ASB16: variants seen among roughly 807,000 people sequenced by gnomAD.
ASB16 encodes the protein ankyrin repeat and SOCS box containing 16, also known as ankyrin repeat and SOCS box protein 16.
A neutral mutation model predicts 39.1 loss-of-function variants in ASB16; 44 were observed. The ratio of observed to expected loss-of-function variants is 1.13; its 90% CI spans 0.88 to 1.45. The LOEUF (loss-of-function observed/expected upper bound fraction) is 1.45. Ranked by LOEUF, ASB16 falls within the 40% of genes most tolerant of loss-of-function variation. The pLI is 0.00. For missense variants in ASB16, 698 were observed against 634.5 expected (o/e 1.10, Z -1.07); for synonymous variants, 305 against 286.7 (o/e 1.06, Z -0.64).
In ASB16 at chr17:44,178,219, C is replaced by T. The variant is rs976206205; in HGVS notation, c.1191C>T (p.Phe397=). 3 of 1,613,226 alleles carry T rather than the reference C, an allele frequency of 1.9e-6. No homozygotes were observed. Among genetic ancestry groups the T allele is most frequent in the Non-Finnish European group, 2.5e-6 (3 of 1,180,014 alleles). The change falls in exon 5 of 5, where the codon TTC becomes TTT. Residue 397 remains phenylalanine (F), a synonymous_variant. Transcript: ENST00000293414. ...TCCTGGCCTAGGAGCACGAAGCCTT[C>T]TACAGCTCGGCCCTGTGCATGGTGA... The part of the protein sequence containing the change: ...LPELWKEHEA[F]YSSALCMVNQ...
At chr17:44,178,144 G>T (rs901651506) in intron 4 of ASB16, 61 bp from the exon 5 acceptor site, 9 of 1,576,542 alleles carry the variant, frequency 5.7e-6, no homozygotes, top group Non-Finnish European at 7.8e-6. Flanking sequence ...GACCCCCACC[G>T]CTGGGTTGCC....
rs761822707 is a variant in ASB16, at chr17:44,176,874, G to T, written c.706G>T (p.Val236Leu). Residue 236 changes from valine (V) to leucine (L), a missense_variant, in exon 3 of 5, where the codon GTG becomes TTG. Transcript: ENST00000293414. ...VALYLEHGAD[V>L]GLRTSQGETA... Reference sequence around the variant, plus strand: ...TCTGTACCTGGAGCATGGCGCCGACGTGGGCCTGCGCACCAGCCAGGGCGA... The same window carrying T: ...TCTGTACCTGGAGCATGGCGCCGACTTGGGCCTGCGCACCAGCCAGGGCGA... The T allele has an allele frequency of 1.2e-6, 2 of 1,605,808 alleles. No homozygotes were observed. Among genetic ancestry groups the T allele is most frequent in the South Asian group, 1.1e-5 (1 of 90,774 alleles).
rs371177984 is a variant in ASB16 at position 44,172,283 on chromosome 17, T to G, written c.539T>G (p.Leu180Trp). 9 of 1,613,266 alleles carry G rather than the reference T, an allele frequency of 5.6e-6. No individual in the cohort carries two copies. The highest frequency in any genetic ancestry group is 7.6e-6 in the Non-Finnish European group (9 of 1,180,036). The change falls in exon 2 of 5, where the codon TTG (leucine) becomes TGG (tryptophan). Residue 180 changes from leucine to tryptophan, a missense_variant. Physicochemically the swap from Leu to Trp is moderately conservative, Grantham distance 61 (BLOSUM62 -2). Transcript: ENST00000293414. ...CTGACTGAGGAGGGCACGACTCCTTTGCACCTCTGCACGATCCCCGAGTCC... is the reference window on the plus strand; with the variant it reads ...CTGACTGAGGAGGGCACGACTCCTTGGCACCTCTGCACGATCCCCGAGTCC... ...NVLTEEGTTP[L>W]HLCTIPESLQ...
intron 3 of ASB16, 64 bp downstream of exon 3, chr17:44,177,294 C>T (rs900030734): frequency 1.0e-5 from 15 of 1,463,572 alleles, no homozygotes; most frequent in African/African-American, 1.4e-5. Flanking sequence ...GGAACTGCTC[C>T]GCTTCTGGGG....
chr17:44,177,164 C>A lies in ASB16; in HGVS notation c.996C>A (p.Pro332=), dbSNP rs764024780. The A allele has an allele frequency of 6.5e-7, 1 of 1,529,814 alleles. No homozygotes were observed. The highest frequency in any genetic ancestry group is 1.2e-5 in the South Asian group (1 of 81,970). The allele number at this position is 1,529,814 out of a possible 1,614,324, so 94.8% of individuals were successfully genotyped here. Residue 332 remains proline, a synonymous_variant, in exon 3 of 5, where the codon CCC becomes CCA. Transcript: ENST00000293414. Reference sequence around the variant, plus strand: ...CGCTGCAGGCCGTCCAGGACTCCCCCAACTGGGAGCCTGAAGTCCTTTTCG... The same window carrying A: ...CGCTGCAGGCCGTCCAGGACTCCCCAAACTGGGAGCCTGAAGTCCTTTTCG... ...DCALQAVQDS[P]NWEPEVLFAA...
At chr17:44,174,592 A>T (rs2054271123) in intron 2 of ASB16, among the ~76,000 whole-genome samples, 1 of 152,034 alleles carries the variant, frequency 6.6e-6, no homozygotes, top group Non-Finnish European at 1.5e-5. Context: ...GCAGGTAAGG[A>T]TTCAAGGGCT....
chr17:44,170,816 C>A lies in ASB16; in HGVS notation c.27C>A (p.Thr9=). 6.2e-7 allele frequency: 1 copy of A among 1,606,868 alleles called. No homozygotes were observed. The highest frequency in any genetic ancestry group is 8.5e-7 in the Non-Finnish European group (1 of 1,176,524). Residue 9 remains threonine (T), a synonymous_variant, in exon 1 of 5, where the codon ACC becomes ACA. Coordinates refer to ENST00000293414, the MANE Select transcript of ASB16 (RefSeq NM_080863.5). ...TGGCAAGAGAGACCTTCCCCTTCAC[C>A]TCCTCCATGCTGCGCTCTCTCCGCC... MARETFPF[T]SSMLRSLRLQ...
Position 44,176,953 on chromosome 17 carries a change from G to A in ASB16, c.785G>A (p.Arg262Gln), listed in dbSNP as rs1323048972. Residue 262 changes from arginine to glutamine, a missense_variant, in exon 3 of 5, where the codon CGA becomes CAA. Transcript: ENST00000293414. ...AGAEGPGSCR[R>Q]HQAAARRLLE... ...GCCGAGGGCCCAGGTAGCTGCAGGC[G>A]ACACCAGGCTGCGGCGCGCCGGCTC... is the stretch of plus-strand genomic sequence containing the variant. 1.3e-6 allele frequency: 2 copies of A among 1,502,520 alleles called. No homozygotes were observed. Among genetic ancestry groups the A allele is most frequent in the Admixed American group, 2.4e-5 (1 of 41,824 alleles). The allele number at this position is 1,502,520 out of a possible 1,614,324, so 93.1% of individuals were successfully genotyped here.
chr17:44,176,259 G>C (rs2054287975), intron 2 of ASB16: 1 of 166,406 alleles, frequency 6.0e-6, no homozygotes, highest in Admixed American at 5.7e-5. Flanking sequence ...TTGGGAGGCA[G>C]AGGCAGGAGG....
chr17:44,177,585 CCAAGA>C lies in ASB16; in HGVS notation c.1063-22_1063-18del, dbSNP rs1206856869. 1.9e-6 allele frequency: 3 copies of C among 1,610,030 alleles called. No homozygotes were observed. Among genetic ancestry groups the C allele is most frequent in the African/African-American group, 1.3e-5 (1 of 74,852 alleles). ...GCCCTCGGGTGGGGGAGGCATGTGC[CCAAGA>C]CCCTCTTTTGACCCCTAGATGCTGA... On this transcript the variant is annotated intron_variant, in intron 3 of 4. Transcript: ENST00000293414.
At chr17:44,173,570 C>T (rs1480341135) in intron 2 of ASB16, among the ~76,000 whole-genome samples, 1 of 140,536 alleles carries the variant, frequency 7.1e-6, no homozygotes, top group East Asian at 2.2e-4. Flanking sequence ...GCATGAGCCT[C>T]TAGTCCTAGC....
At chr17:44,174,206 ATTTT>A (rs376497034) in intron 2 of ASB16, among the ~76,000 whole-genome samples, 1 of 148,468 alleles carries the variant, frequency 6.7e-6, no homozygotes, top group African/African-American at 2.5e-5. Flanking sequence ...CGCCCGGCTA[ATTTT>A]TTTTTTCTGT....
At chr17:44,177,388 G>T in intron 3 of ASB16, 158 bp downstream of exon 3, 3 of 1,224,220 alleles carry the variant, frequency 2.5e-6, no homozygotes, top group Non-Finnish European at 3.3e-6. Flanking sequence ...AGAGGATTCT[G>T]GGAGAGAGAG....
intron 4 of ASB16, 24 bp downstream of exon 4, chr17:44,177,746 TG>T (rs779737997): frequency 2.5e-6 from 4 of 1,600,020 alleles, no homozygotes; most frequent in South Asian, 1.1e-5. Flanking sequence ...AGGGCCGAGA[TG>T]GGGAGGAGGG....
At position 44,176,848 on chromosome 17, in the gene ASB16, C is replaced by T; in HGVS notation, c.680C>T (p.Ala227Val). The T allele has an allele frequency of 6.2e-7, 1 of 1,611,642 alleles. No homozygotes were observed. The highest frequency in any genetic ancestry group is 1.1e-5 in the South Asian group (1 of 90,992). The change falls in exon 3 of 5, where the codon GCT (alanine) becomes GTT (valine). Residue 227 changes from alanine (A) to valine (V), a missense_variant. By Grantham distance (64) the Ala-to-Val change is moderately conservative (BLOSUM62 0). Transcript: ENST00000293414. ...GCGCGCGGCCTGGAGCAACATGTGG[C>T]TCTGTACCTGGAGCATGGCGCCGAC... Reference protein sequence around the residue: ...AAARGLEQHVALYLEHGADVG... With the variant: ...AAARGLEQHVVLYLEHGADVG...
rs1427797187 is a variant in ASB16, at chr17:44,171,110, G to A, written c.301+20G>A. On this transcript the variant is annotated intron_variant, in intron 1 of 4. Transcript: ENST00000293414. ...AACAGGGTAGGGGGCACCAGAAGAG[G>A]GCAGAAGAGGAGGGAGAAAGAAGGG... is the stretch of plus-strand genomic sequence containing the variant. 1.9e-6 allele frequency: 3 copies of A among 1,601,278 alleles called. No individual in the cohort carries two copies. The highest frequency in any genetic ancestry group is 2.2e-5 in the East Asian group (1 of 44,736).
chr17:44,171,145 G>T, intron 1 of ASB16, 55 bp downstream of exon 1: 1 of 1,548,010 alleles, frequency 6.5e-7, no homozygotes, highest in South Asian at 1.2e-5. Context: ...GGAGTGGGTG[G>T]GGAAGGGGGA....
rs12937692 is a variant in ASB16, at chr17:44,179,062, G to A, written c.*672G>A. 0.27 allele frequency: 40,722 copies of A among 152,770 alleles called. 5,898 individuals carry two copies. Among genetic ancestry groups the A allele is most frequent in the East Asian group, 0.63 (3,265 of 5,154 alleles). 9.5% of individuals were successfully genotyped at this position (152,770 alleles called of 1,614,324 possible). A position where few individuals can be genotyped will look rare whatever the true frequency, so the allele number is the denominator to read the frequency against. ...ATACCTGTTCAGCCTCCTAAAGAGGGACAAACTCTGTCTCTGCGTGCACTG... is the reference window on the plus strand; with the variant it reads ...ATACCTGTTCAGCCTCCTAAAGAGGAACAAACTCTGTCTCTGCGTGCACTG... On this transcript the variant is annotated 3_prime_UTR_variant, in exon 5 of 5. Coordinates refer to ENST00000293414, the MANE Select transcript of ASB16 (RefSeq NM_080863.5).
At chr17:44,177,351 G>A in intron 3 of ASB16, 121 bp downstream of exon 3, 1 of 1,366,884 alleles carries the variant, frequency 7.3e-7, no homozygotes, top group Non-Finnish European at 9.7e-7. Context: ...AGTGGCCAGG[G>A]GGCTGTCCCC....
Sources: gnomAD v4.1 joint callset for allele counts (sites outside exome capture counted in the v4.1 genomes callset) on GRCh38, gnomAD v4.1.1 for gene constraint, MANE v1.5 for transcripts, NCBI Gene and HGNC (gene_info 2026-07-23, HGNC 2026-07-21) for gene names.